EYA2: variants seen among roughly 807,000 people sequenced by gnomAD.
EYA2 encodes the protein protein phosphatase EYA2.
In EYA2, 31 loss-of-function variants were observed where a neutral mutation model predicts 69.2. That is an observed-to-expected ratio of 0.45 (90% CI 0.34 to 0.60). The LOEUF is 0.60. EYA2 is among the 20% of genes least tolerant of loss of function. The pLI is 0.02. For missense variants in EYA2, 622 were observed against 701.2 expected (o/e 0.89, Z 1.28); for synonymous variants, 257 against 279.4 (o/e 0.92, Z 0.80).
At chr20:46,986,370 T>C (rs1240736310) in intron 1 of EYA2, among the ~76,000 whole-genome samples, 1 of 19,486 alleles carries the variant, frequency 5.1e-5, no homozygotes, top group East Asian at 5.0e-4. Context: ...ATATATTATA[T>C]ATTATGTATT....
chr20:47,076,442 A>G (rs1481555611), intron 7 of EYA2, among the ~76,000 whole-genome samples: 2 of 152,044 alleles, frequency 1.3e-5, no homozygotes, highest in East Asian at 3.9e-4. Context: ...TTTGATTTGC[A>G]TTTCCCTAAT....
At chr20:47,119,723 G>A (rs1489619308) in intron 9 of EYA2, among the ~76,000 whole-genome samples, 1 of 152,116 alleles carries the variant, frequency 6.6e-6, no homozygotes, top group Non-Finnish European at 1.5e-5. Flanking sequence ...AAAATGTTTT[G>A]GACCTAGGTG....
At chr20:47,066,624 A>G (rs1340967183) in intron 5 of EYA2, among the ~76,000 whole-genome samples, 1 of 152,194 alleles carries the variant, frequency 6.6e-6, no homozygotes, top group African/African-American at 2.4e-5. Flanking sequence ...ACTGCCCTTC[A>G]AAATTTACTC....
chr20:46,987,966 A>C (rs6090591), intron 1 of EYA2, among the ~76,000 whole-genome samples: 1,606 of 13,652 alleles, frequency 0.12, 55 homozygotes, highest in African/African-American at 0.18. Flanking sequence ...CTCTCTCTCT[A>C]TATATATATA....
At position 47,101,067 on chromosome 20, in the gene EYA2, T is replaced by C. The variant is rs527870046; in HGVS notation, c.888+3899T>C. 2.0e-5 allele frequency among the ~76,000 whole-genome samples: 3 copies of C among 152,306 alleles called. No homozygotes were observed. The South Asian group carries it at 6.2e-4, about 32-fold the overall frequency. On this transcript the variant is annotated intron_variant, in intron 9 of 15. Coordinates refer to ENST00000327619, the MANE Select transcript of EYA2 (RefSeq NM_005244.5). ...CTCTCTTTTGATATTTTTATTTTCT[T>C]GTCCCTCTTTTTTTATTATTTTTAT...
At chr20:47,148,414 A>T (rs1396848674) in intron 10 of EYA2, among the ~76,000 whole-genome samples, 1 of 152,172 alleles carries the variant, frequency 6.6e-6, no homozygotes, top group African/African-American at 2.4e-5. Flanking sequence ...GGGATAGGCA[A>T]GTGGGGGTTC....
intron 1 of EYA2, among the ~76,000 whole-genome samples, chr20:46,930,655 A>G (rs1985628595): frequency 6.6e-6 from 1 of 152,230 alleles, no homozygotes; most frequent in South Asian, 2.1e-4. Context: ...GGAATTCAGC[A>G]GCTTGTCATA....
At chr20:47,084,530 C>T (rs2146496174) in intron 7 of EYA2, among the ~76,000 whole-genome samples, 1 of 152,182 alleles carries the variant, frequency 6.6e-6, no homozygotes, top group South Asian at 2.1e-4. Context: ...GAGTGAGACC[C>T]TGTCTCAAAA....
chr20:47,001,506 GC>G, intron 3 of EYA2, 33 bp downstream of exon 3: 1 of 1,610,596 alleles, frequency 6.2e-7, no homozygotes, highest in Non-Finnish European at 8.5e-7. Flanking sequence ...CTGCTCACAT[GC>G]CCACCTTTTC....
intron 1 of EYA2, among the ~76,000 whole-genome samples, chr20:46,987,519 G>C (rs951752212): frequency 7.2e-5 from 11 of 152,120 alleles, no homozygotes. Flanking sequence ...CCATTCTCTT[G>C]AAAACAGTGT....
chr20:47,178,147 G>A (rs763422523), intron 12 of EYA2, among the ~76,000 whole-genome samples: 6 of 152,050 alleles, frequency 3.9e-5, no homozygotes, highest in Non-Finnish European at 7.4e-5. Context: ...GGGCAACATA[G>A]CAAGACCCCA....
At chr20:47,078,325 G>GCACACACA (rs1358060493) in intron 7 of EYA2, among the ~76,000 whole-genome samples, 6 of 105,342 alleles carry the variant, frequency 5.7e-5, no homozygotes, top group African/African-American at 2.2e-4. Context: ...ACGTGCGCGC[G>GCACACACA]CGCGCGCACA....
chr20:47,132,947 G>A (rs1361573176), intron 9 of EYA2, among the ~76,000 whole-genome samples: 1 of 152,184 alleles, frequency 6.6e-6, no homozygotes, highest in Non-Finnish European at 1.5e-5. Flanking sequence ...AGAAACACTT[G>A]GGCTTGCTCA....
At chr20:46,917,380 G>A (rs565874487) in intron 1 of EYA2, among the ~76,000 whole-genome samples, 2 of 152,200 alleles carry the variant, frequency 1.3e-5, no homozygotes, top group African/African-American at 4.8e-5. Flanking sequence ...AGAGTGACTT[G>A]CTTAAGATTT....
intron 9 of EYA2, among the ~76,000 whole-genome samples, chr20:47,116,397 C>T (rs952857761): frequency 6.6e-6 from 1 of 151,998 alleles, no homozygotes; most frequent in Non-Finnish European, 1.5e-5. Context: ...AGGCTGGTCT[C>T]GAACTCCTGA....
At chr20:47,175,930 C>T (rs1157311722) in intron 12 of EYA2, among the ~76,000 whole-genome samples, 1 of 152,168 alleles carries the variant, frequency 6.6e-6, no homozygotes, top group Non-Finnish European at 1.5e-5. Flanking sequence ...TTCATTCATT[C>T]ATTCATTCTT....
chr20:47,021,929 C>G (rs948675882), intron 5 of EYA2, among the ~76,000 whole-genome samples: 1 of 151,946 alleles, frequency 6.6e-6, no homozygotes, highest in Admixed American at 6.6e-5. Flanking sequence ...TTGGACAAGT[C>G]ACAAAGCCTT....
intron 9 of EYA2, among the ~76,000 whole-genome samples, chr20:47,116,911 G>A (rs549902180): frequency 1.1e-4 from 16 of 152,192 alleles, no homozygotes; most frequent in African/African-American, 3.9e-4. Flanking sequence ...CCTGGCTACT[G>A]AAGGGCGGTC....
intron 10 of EYA2, among the ~76,000 whole-genome samples, chr20:47,160,503 C>T (rs183626514): frequency 6.6e-6 from 1 of 151,708 alleles, no homozygotes; most frequent in Non-Finnish European, 1.5e-5. Context: ...GGGGGCGGTG[C>T]GGGCAGTGGA....
Sources: allele counts gnomAD v4.1 joint callset (sites outside exome capture counted in the v4.1 genomes callset), GRCh38; gene constraint gnomAD v4.1.1; transcripts MANE v1.5; gene names NCBI Gene and HGNC (gene_info 2026-07-23, HGNC 2026-07-21).